MSTO1: variants seen among roughly 807,000 people sequenced by gnomAD.
MSTO1 encodes the protein misato mitochondrial distribution and morphology regulator 1, also known as protein misato homolog 1.
MSTO1 carries 24 observed loss-of-function variants against 55.7 expected under a neutral mutation model. The ratio of observed to expected loss-of-function variants is 0.43; its 90% CI spans 0.31 to 0.61. The LOEUF (loss-of-function observed/expected upper bound fraction) is 0.61. MSTO1 is among the 20% of genes least tolerant of loss of function. The probability of loss-of-function intolerance (pLI) is 0.09; values close to 1 mark genes in which losing one functional copy is unlikely to be tolerated. For missense variants in MSTO1, 363 were observed against 625.7 expected (o/e 0.58, Z 4.48); for synonymous variants, 162 against 252.8 (o/e 0.64, Z 3.41).
chr1:155,590,816 G>T, the MSTO1 span: 60 of 1,606,800 alleles, frequency 3.7e-5, no homozygotes, highest in African/African-American at 7.8e-4. Context: ...GCCACCAGGG[G>T]GTTATAGAAG....
In MSTO1 at chr1:155,612,945, G is replaced by A; in HGVS notation, c.1068G>A (p.Leu356=). 2 of 1,613,958 alleles carry A rather than the reference G, an allele frequency of 1.2e-6. No individual in the cohort carries two copies. The highest frequency in any genetic ancestry group is 1.7e-6 in the Non-Finnish European group (2 of 1,179,862). ...CCTCTCCAGTTTCCATGGTTCATCT[G>A]GCTGACATGCTGAGCTTCTGTGGGA... ...LCSSPVSMVH[L]ADMLSFCGKK... The change falls in exon 10 of 14, where the codon CTG becomes CTA. Residue 356 remains leucine, a synonymous_variant. Coordinates refer to ENST00000245564, the MANE Select transcript of MSTO1 (RefSeq NM_018116.4).
At chr1:155,594,319 A>G in the MSTO1 span, among the ~76,000 whole-genome samples, 2 of 151,670 alleles carry the variant, frequency 1.3e-5, no homozygotes, top group Non-Finnish European at 2.9e-5. Context: ...GAAAATCACT[A>G]GAACCTGGGA....
chr1:155,586,445 C>A, the MSTO1 span, among the ~76,000 whole-genome samples: 1 of 152,190 alleles, frequency 6.6e-6, no homozygotes, highest in South Asian at 2.1e-4. Flanking sequence ...AAAATATTTT[C>A]ATGGGTTTGC....
chr1:155,579,282 T>C, the MSTO1 span, among the ~76,000 whole-genome samples: 6,027 of 151,720 alleles, frequency 0.04, 398 homozygotes, highest in African/African-American at 0.14. Flanking sequence ...CATTGCACTC[T>C]GGCCTGGGCA....
the MSTO1 span, among the ~76,000 whole-genome samples, chr1:155,585,992 T>C: frequency 5.3e-5 from 8 of 152,202 alleles, no homozygotes; most frequent in Admixed American, 5.2e-4. Context: ...ATTTTTGAGA[T>C]CCATATTGAT....
At chr1:155,567,742 A>G in the MSTO1 span, among the ~76,000 whole-genome samples, 2 of 149,792 alleles carry the variant, frequency 1.3e-5, no homozygotes, top group Non-Finnish European at 3.0e-5. Flanking sequence ...GCCAAGAGCC[A>G]TTAAAAATAT....
chr1:155,597,822 C>CT, the MSTO1 span, among the ~76,000 whole-genome samples: 145 of 138,610 alleles, frequency 1.0e-3, 1 homozygote, highest in Middle Eastern at 4.0e-3. Context: ...TACTTTTTGT[C>CT]TTTTTTTTTT....
the MSTO1 span, among the ~76,000 whole-genome samples, chr1:155,591,544 C>T: frequency 6.6e-6 from 1 of 152,154 alleles, no homozygotes; most frequent in Non-Finnish European, 1.5e-5. Flanking sequence ...GTAATCCCAG[C>T]ACTTTGGGAG....
chr1:155,564,346 T>C, the MSTO1 span, among the ~76,000 whole-genome samples: 1 of 151,964 alleles, frequency 6.6e-6, no homozygotes, highest in Non-Finnish European at 1.5e-5. Context: ...ATACAAAAAT[T>C]AGCCAGGCGT....
the MSTO1 span, among the ~76,000 whole-genome samples, chr1:155,575,801 TTTA>T: frequency 4.1e-4 from 54 of 132,554 alleles, no homozygotes; most frequent in East Asian, 5.9e-3. Flanking sequence ...TTTATTTTTA[TTTA>T]TTTATTTATT....
chr1:155,605,132 G>A, the MSTO1 span, among the ~76,000 whole-genome samples: 1 of 151,544 alleles, frequency 6.6e-6, no homozygotes, highest in South Asian at 2.1e-4. Flanking sequence ...ATGGTGGTGG[G>A]CACCTGTAAT....
upstream of MSTO1, chr1:155,610,211 C>T (rs887655196): frequency 1.5e-5 from 10 of 666,940 alleles, no homozygotes; most frequent in African/African-American, 1.6e-4. Context: ...CAGCGAGCGG[C>T]GCGGCTGAGG....
Position 155,612,300 on chromosome 1 carries a change from G to T in MSTO1, c.797G>T (p.Gly266Val). The T allele has an allele frequency of 6.3e-7, 1 of 1,584,732 alleles. No homozygotes were observed. The highest frequency in any genetic ancestry group is 8.6e-7 in the Non-Finnish European group (1 of 1,164,112). ...ATAATAACCTGGGGCCTGCTACCTG[G>T]TCCCTACCATCGTGGGGTGAGTGGA... ...RGIITWGLLP[G>V]PYHRGEAQRN... Residue 266 changes from glycine (G) to valine (V), a missense_variant, in exon 8 of 14, where the codon GGT becomes GTT. Gly to Val is a moderately radical substitution (Grantham distance 109). Around this residue, in one of 3 missense-constraint regions of MSTO1, gnomAD observed 231 missense variants for 286.9 expected, o/e 0.81. Coordinates refer to ENST00000245564, the MANE Select transcript of MSTO1 (RefSeq NM_018116.4).
At chr1:155,567,522 G>A in the MSTO1 span, among the ~76,000 whole-genome samples, 1 of 151,164 alleles carries the variant, frequency 6.6e-6, no homozygotes, top group Non-Finnish European at 1.5e-5. Context: ...CCGTGGTCTC[G>A]ATCTCCTGAC....
At chr1:155,566,496 C>T in the MSTO1 span, among the ~76,000 whole-genome samples, 1 of 152,014 alleles carries the variant, frequency 6.6e-6, no homozygotes, top group African/African-American at 2.4e-5. Flanking sequence ...TTAGCCAGGC[C>T]ATGGTGGCAT....
chr1:155,595,667 A>G, the MSTO1 span, among the ~76,000 whole-genome samples: 1 of 150,522 alleles, frequency 6.6e-6, no homozygotes, highest in Non-Finnish European at 1.5e-5. Flanking sequence ...TTTATATTTT[A>G]TATTTTTAAT....
At chr1:155,586,915 T>A in the MSTO1 span, among the ~76,000 whole-genome samples, 3 of 152,186 alleles carry the variant, frequency 2.0e-5, no homozygotes, top group Non-Finnish European at 4.4e-5. Context: ...ACCTGTCAAA[T>A]CTTTGTATTT....
At chr1:155,611,132 G>A in intron 3 of MSTO1, 24 bp downstream of exon 3, 1 of 1,191,816 alleles carries the variant, frequency 8.4e-7, no homozygotes, top group Admixed American at 2.3e-5. Flanking sequence ...GTATGGATAA[G>A]GGTGGGGATC....
chr1:155,595,209 G>A, the MSTO1 span, among the ~76,000 whole-genome samples: 15 of 137,824 alleles, frequency 1.1e-4, no homozygotes, highest in African/African-American at 3.0e-4. Context: ...ATGGAGTCTC[G>A]GTCTGTCACC....
Sources: gnomAD v4.1 joint callset for allele counts (sites outside exome capture counted in the v4.1 genomes callset) on GRCh38, gnomAD v4.1.1 for gene constraint, gnomAD v4.1.1 regional missense constraint, MANE v1.5 for transcripts, NCBI Gene and HGNC (gene_info 2026-07-23, HGNC 2026-07-21) for gene names.